KCNAB1: variants seen among roughly 807,000 people sequenced by gnomAD.
The protein encoded by KCNAB1 is voltage-gated potassium channel subunit beta-1.
In KCNAB1, 35 loss-of-function variants were observed where a neutral mutation model predicts 64.6. The ratio of observed to expected loss-of-function variants is 0.54; its 90% CI spans 0.41 to 0.72. The LOEUF (loss-of-function observed/expected upper bound fraction) is 0.72, where lower values mean the gene tolerates loss of function less well. Among genes scored for constraint, KCNAB1 ranks in the 30% least tolerant of loss-of-function variants. The probability of loss-of-function intolerance (pLI) is 0.00; values close to 1 mark genes in which losing one functional copy is unlikely to be tolerated. For synonymous variants in KCNAB1, 177 were observed against 183.8 expected, an observed-to-expected ratio of 0.96 and a Z score of 0.30; for missense variants, 401 against 512.9, an observed-to-expected ratio of 0.78 and a Z score of 2.11.
chr3:156,181,648 C>T (rs1233837479), intron 1 of KCNAB1, among the ~76,000 whole-genome samples: 1 of 152,180 alleles, frequency 6.6e-6, no homozygotes, highest in African/African-American at 2.4e-5. Flanking sequence ...CACAGTGAAT[C>T]AGAGGGACTC....
At chr3:156,398,330 C>T (rs1327586390) in intron 1 of KCNAB1, among the ~76,000 whole-genome samples, 1 of 152,138 alleles carries the variant, frequency 6.6e-6, no homozygotes, top group South Asian at 2.1e-4. Flanking sequence ...CGGTGGCTCA[C>T]GCCTGTAATC....
intron 1 of KCNAB1, among the ~76,000 whole-genome samples, chr3:156,326,173 G>A (rs147067006): frequency 4.2e-4 from 64 of 152,138 alleles, no homozygotes; most frequent in Non-Finnish European, 7.5e-4. Context: ...CTTCTTTCCC[G>A]TATTTTTGCC....
intron 1 of KCNAB1, among the ~76,000 whole-genome samples, chr3:156,300,381 T>C (rs1721073919): frequency 6.6e-6 from 1 of 152,214 alleles, no homozygotes; most frequent in South Asian, 2.1e-4. Flanking sequence ...AGCTTCCTAA[T>C]TTCCAGAACG....
intron 1 of KCNAB1, among the ~76,000 whole-genome samples, chr3:156,236,655 A>G (rs375804678): frequency 1.3e-5 from 2 of 152,052 alleles, no homozygotes; most frequent in Non-Finnish European, 2.9e-5. Flanking sequence ...CTCAGTGAAC[A>G]TATTCTGCAG....
Position 156,264,315 on chromosome 3 carries a change from A to G in KCNAB1, c.275+143429A>G, listed in dbSNP as rs189586506. ...CTAAGGTGTGTCTCTTATACACAGC[A>G]TATAGTTGGATCTTGATTTTTCATG... On this transcript the variant is annotated intron_variant, in intron 1 of 13. Transcript: ENST00000490337. 2.1e-3 allele frequency among the ~76,000 whole-genome samples: 317 copies of G among 152,174 alleles called. 2 individuals are homozygous for G. The Middle Eastern group carries it at 0.027, about 13-fold the overall frequency.
chr3:156,412,062 GT>G (rs896785178), intron 1 of KCNAB1, among the ~76,000 whole-genome samples: 1 of 151,978 alleles, frequency 6.6e-6, no homozygotes, highest in African/African-American at 2.4e-5. Context: ...ATTCTTCAGT[GT>G]TTTTTAGTTT....
At chr3:156,415,963 C>G (rs1362971102) in intron 1 of KCNAB1, among the ~76,000 whole-genome samples, 1 of 152,196 alleles carries the variant, frequency 6.6e-6, no homozygotes, top group Admixed American at 6.5e-5. Context: ...AATGAACACT[C>G]TACTTCGGTG....
intron 1 of KCNAB1, among the ~76,000 whole-genome samples, chr3:156,350,986 A>C (rs1251517747): frequency 1.3e-5 from 2 of 152,266 alleles, no homozygotes; most frequent in Admixed American, 6.5e-5. Context: ...AGATTTGCAC[A>C]GTTGTCATGG....
At chr3:156,301,058 C>T (rs59702804) in intron 1 of KCNAB1, among the ~76,000 whole-genome samples, 4 of 152,272 alleles carry the variant, frequency 2.6e-5, no homozygotes, top group African/African-American at 7.2e-5. Context: ...TTACAAGCAC[C>T]GAGCTCCTCA....
intron 7 of KCNAB1, among the ~76,000 whole-genome samples, chr3:156,469,296 A>G (rs6770305): frequency 0.62 from 82,764 of 134,086 alleles, 26,599 homozygotes; most frequent in African/African-American, 0.86. Flanking sequence ...TTACTCTGCC[A>G]CCCAGGCTGG....
At chr3:156,422,166 A>G (rs1715506284) in intron 2 of KCNAB1, among the ~76,000 whole-genome samples, 1 of 152,252 alleles carries the variant, frequency 6.6e-6, no homozygotes, top group Non-Finnish European at 1.5e-5. Flanking sequence ...TAATAAATAA[A>G]AAGTATTATT....
At chr3:156,273,222 A>T (rs148970330) in intron 1 of KCNAB1, among the ~76,000 whole-genome samples, 12 of 152,090 alleles carry the variant, frequency 7.9e-5, no homozygotes, top group Non-Finnish European at 1.3e-4. Flanking sequence ...CTGCTCTGGC[A>T]GATGTCTAAT....
chr3:156,462,007 C>T (rs75142327), intron 5 of KCNAB1, among the ~76,000 whole-genome samples: 6,367 of 152,276 alleles, frequency 0.042, 267 homozygotes, highest in East Asian at 0.12. Context: ...GTTATTACAC[C>T]TCTCTGATTC....
At chr3:156,251,932 TA>T (rs1717853441) in intron 1 of KCNAB1, among the ~76,000 whole-genome samples, 1 of 152,258 alleles carries the variant, frequency 6.6e-6, no homozygotes, top group Non-Finnish European at 1.5e-5. Context: ...CAAGTGCCTA[TA>T]ATTTTCAAGA....
chr3:156,278,056 A>G (rs113656816), intron 1 of KCNAB1, among the ~76,000 whole-genome samples: 2 of 152,356 alleles, frequency 1.3e-5, no homozygotes, highest in African/African-American at 4.8e-5. Context: ...TAACTGTTAC[A>G]GAATTTCATA....
chr3:156,512,109 T>C (rs1031519443), intron 8 of KCNAB1, among the ~76,000 whole-genome samples: 1 of 152,238 alleles, frequency 6.6e-6, no homozygotes. Flanking sequence ...CCTGTGTTAT[T>C]TTCTTTATAA....
intron 1 of KCNAB1, chr3:156,273,816 C>G: frequency 2.7e-6 from 1 of 365,492 alleles, no homozygotes; most frequent in Non-Finnish European, 5.4e-6. Flanking sequence ...TCCTCCAGAT[C>G]TTTTCTGACA....
intron 8 of KCNAB1, among the ~76,000 whole-genome samples, chr3:156,488,295 TAAAAA>T (rs63550661): frequency 7.1e-6 from 1 of 140,866 alleles, no homozygotes; most frequent in Non-Finnish European, 1.6e-5. Context: ...ATGGGTGCTA[TAAAAA>T]AAAAAAAAAG....
intron 12 of KCNAB1, among the ~76,000 whole-genome samples, chr3:156,527,431 T>C (rs1390897746): frequency 1.3e-5 from 2 of 152,194 alleles, no homozygotes; most frequent in Admixed American, 1.3e-4. Flanking sequence ...CTCTTAGCCA[T>C]GGCAAGCAAT....
Sources: gnomAD v4.1 joint callset for allele counts (sites outside exome capture counted in the v4.1 genomes callset) on GRCh38, gnomAD v4.1.1 for gene constraint, MANE v1.5 for transcripts, NCBI Gene and HGNC (gene_info 2026-07-23, HGNC 2026-07-21) for gene names.